IPO11: variants seen among roughly 807,000 people sequenced by gnomAD.
IPO11 encodes importin-11.
Under a neutral mutation model 143.2 loss-of-function variants are expected in IPO11, and 66 were observed. That is an observed-to-expected ratio of 0.46 (90% confidence interval 0.38 to 0.57). The LOEUF is 0.57. Ranked by LOEUF, IPO11 falls within the 20% of genes least tolerant of loss-of-function variation. IPO11 has a pLI of 0.00. For synonymous variants in IPO11, 385 were observed against 377.8 expected (o/e 1.02, Z -0.22); for missense variants, 1,026 against 1,141.0 (o/e 0.90, Z 1.45).
chr5:62,597,399 A>G (rs1745266321), intron 28 of IPO11, among the ~76,000 whole-genome samples: 1 of 152,222 alleles, frequency 6.6e-6, no homozygotes, highest in African/African-American at 2.4e-5. Context: ...CAGCCCCCAG[A>G]ACCAGAATTG....
chr5:62,567,748 GACA>G (rs1454436379), intron 27 of IPO11, among the ~76,000 whole-genome samples: 1 of 151,176 alleles, frequency 6.6e-6, no homozygotes, highest in Non-Finnish European at 1.5e-5. Flanking sequence ...TTTTAGTAGA[GACA>G]CGGTTTAGCC....
chr5:62,452,598 T>C (rs945601361), intron 5 of IPO11, among the ~76,000 whole-genome samples: 1 of 150,826 alleles, frequency 6.6e-6, no homozygotes, highest in Non-Finnish European at 1.5e-5. Context: ...GGAAGGAGTT[T>C]GACGTAAGTA....
intron 20 of IPO11, 46 bp from the exon 21 acceptor site, chr5:62,526,096 G>T (rs2112305342): frequency 1.6e-6 from 2 of 1,241,516 alleles, no homozygotes; most frequent in Non-Finnish European, 1.2e-6. Flanking sequence ...GTGCGGGATG[G>T]GACATTAGAG....
intron 10 of IPO11, among the ~76,000 whole-genome samples, chr5:62,483,564 A>G (rs911241958): frequency 6.6e-6 from 1 of 152,170 alleles, no homozygotes; most frequent in Non-Finnish European, 1.5e-5. Context: ...ACTGCAGCTC[A>G]TATTGTAGGG....
At chr5:62,600,516 T>C (rs1388630689) in intron 28 of IPO11, among the ~76,000 whole-genome samples, 4 of 152,216 alleles carry the variant, frequency 2.6e-5, no homozygotes, top group African/African-American at 9.7e-5. Flanking sequence ...AGACATAAAT[T>C]GGCTAGTGTA....
At chr5:62,506,497 T>A (rs1168658043) in intron 19 of IPO11, 140 bp downstream of exon 19, 1 of 516,704 alleles carries the variant, frequency 1.9e-6, no homozygotes, top group East Asian at 2.9e-5. Context: ...GTTTCAGTTA[T>A]GTATTATTCA....
At chr5:62,484,416 A>G (rs1330140161) in intron 11 of IPO11, among the ~76,000 whole-genome samples, 4 of 152,152 alleles carry the variant, frequency 2.6e-5, no homozygotes, top group East Asian at 1.9e-4. Flanking sequence ...CTTTACAAAT[A>G]TATCATGTAG....
chr5:62,464,437 C>T (rs947322475), intron 5 of IPO11, among the ~76,000 whole-genome samples: 1 of 151,736 alleles, frequency 6.6e-6, no homozygotes, highest in African/African-American at 2.4e-5. Flanking sequence ...CTGTGCCCAG[C>T]TGGTTATTTT....
intron 5 of IPO11, among the ~76,000 whole-genome samples, chr5:62,464,012 C>G (rs537961686): frequency 6.6e-6 from 1 of 151,518 alleles, no homozygotes; most frequent in Non-Finnish European, 1.5e-5. Flanking sequence ...GTAATAGAGA[C>G]GGCGTTTCGC....
At chr5:62,502,303 A>C (rs1741372894) in intron 16 of IPO11, among the ~76,000 whole-genome samples, 1 of 152,194 alleles carries the variant, frequency 6.6e-6, no homozygotes, top group African/African-American at 2.4e-5. Context: ...CTTTTCTACC[A>C]GTCTTCTAGC....
chr5:62,541,174 C>T (rs1329910976), intron 24 of IPO11, among the ~76,000 whole-genome samples: 1 of 151,720 alleles, frequency 6.6e-6, no homozygotes, highest in African/African-American at 2.4e-5. Flanking sequence ...GAGTTTGAGA[C>T]CAGCCTGACC....
At chr5:62,541,269 G>A (rs1188515078) in intron 24 of IPO11, among the ~76,000 whole-genome samples, 1 of 151,986 alleles carries the variant, frequency 6.6e-6, no homozygotes, top group East Asian at 1.9e-4. Flanking sequence ...TACTTGGGAG[G>A]CTGAGGCAGG....
At position 62,581,405 on chromosome 5, in the gene IPO11, G is replaced by A. The variant is rs1383960961; in HGVS notation, c.2583-10172G>A. 5.6e-6 allele frequency: 5 copies of A among 890,892 alleles called. No homozygotes were observed. In the African/African-American group the frequency reaches 7.0e-5, roughly 12 times the overall value. 55.2% of individuals were successfully genotyped at this position (890,892 alleles called of 1,614,324 possible). On this transcript the variant is annotated intron_variant, in intron 27 of 29. Transcript: ENST00000325324. ...TATATACTTTAGTTGGAAATATAAT[G>A]AATTATATGAGGTTAGCATTATTAA...
At chr5:62,483,609 C>G (rs1443828741) in intron 10 of IPO11, among the ~76,000 whole-genome samples, 2 of 151,996 alleles carry the variant, frequency 1.3e-5, no homozygotes, top group Non-Finnish European at 2.9e-5. Flanking sequence ...CTTTCTCTGA[C>G]TTTATATAAA....
At chr5:62,579,501 T>G in intron 27 of IPO11, 1 of 1,551,030 alleles carries the variant, frequency 6.4e-7, no homozygotes, top group Non-Finnish European at 8.7e-7. Context: ...CCTGTTATCT[T>G]TTATTATTAC....
intron 10 of IPO11, among the ~76,000 whole-genome samples, chr5:62,483,728 C>T (rs1266164440): frequency 6.6e-6 from 1 of 152,088 alleles, no homozygotes; most frequent in Admixed American, 6.6e-5. Context: ...GAGAGAAACA[C>T]ATGCACACAC....
rs1386860605 is a variant in IPO11 at position 62,474,417 on chromosome 5, G to A, written c.710G>A (p.Gly237Asp). Residue 237 changes from glycine to aspartate, a missense_variant and splice_region_variant, in exon 8 of 30, where the codon GGT (glycine) becomes GAT (aspartate). Physicochemically the swap from Gly to Asp is moderately conservative, Grantham distance 94 (BLOSUM62 -1). This residue lies in a region of IPO11 where 429 missense variants were observed against 456.3 expected (regional missense o/e 0.94). Transcript: ENST00000325324. ...VEPHKNMEVM[G>D]FLHGIFERLK... ...ATTTAAAATAATATTCTTTTCTAGG[G>A]TTTTTTACATGGAATATTTGAACGT... 2 of 1,536,066 alleles carry A rather than the reference G, an allele frequency of 1.3e-6. No homozygotes were observed. Among genetic ancestry groups the A allele is most frequent in the Non-Finnish European group, 1.8e-6 (2 of 1,132,800 alleles).
At chr5:62,617,672 C>T (rs779489665) in intron 29 of IPO11, among the ~76,000 whole-genome samples, 2 of 151,510 alleles carry the variant, frequency 1.3e-5, no homozygotes, top group Non-Finnish European at 2.9e-5. Context: ...GTAAAGAGTT[C>T]GCCCCATTGC....
At chr5:62,513,336 A>T (rs535654316) in intron 19 of IPO11, among the ~76,000 whole-genome samples, 1 of 98,936 alleles carries the variant, frequency 1.0e-5, no homozygotes, top group East Asian at 3.0e-4. Flanking sequence ...TCCCTCCCAG[A>T]CGGGGCGGCT....
Sources: gnomAD v4.1 joint callset for allele counts (sites outside exome capture counted in the v4.1 genomes callset) on GRCh38, gnomAD v4.1.1 for gene constraint, gnomAD v4.1.1 regional missense constraint, MANE v1.5 for transcripts, NCBI Gene and HGNC (gene_info 2026-07-23, HGNC 2026-07-21) for gene names.